The following ESRRB variants were observed in gnomAD, a reference collection of about 807,000 sequenced individuals.
The protein encoded by ESRRB is steroid hormone receptor ERR2.
Under a neutral mutation model 46.0 loss-of-function variants are expected in ESRRB, and 16 were observed. That is an observed-to-expected ratio of 0.35 (90% confidence interval 0.24 to 0.53). The LOEUF (loss-of-function observed/expected upper bound fraction) is 0.53, where lower values mean the gene tolerates loss of function less well. Ranked by LOEUF, ESRRB falls within the 20% of genes least tolerant of loss-of-function variation. ESRRB has a pLI of 0.93. For missense variants in ESRRB, 488 were observed against 607.4 expected (o/e 0.80, Z 2.07); for synonymous variants, 246 against 259.6 (o/e 0.95, Z 0.50).
intron 1 of ESRRB, among the ~76,000 whole-genome samples, chr14:76,314,799 C>G (rs1883778706): frequency 6.6e-6 from 1 of 151,964 alleles, no homozygotes; most frequent in African/African-American, 2.4e-5. Context: ...TCTGGCCTCT[C>G]TCTCCCCTCC....
chr14:76,500,781 A>C lies in ESRRB; in HGVS notation c.*2323A>C. ...CAGGCAGCTGCACCTCACTGGATCTAGTGTTGCTGCGAGTGACCTCACTTC... is the reference window on the plus strand; with the variant it reads ...CAGGCAGCTGCACCTCACTGGATCTCGTGTTGCTGCGAGTGACCTCACTTC... On this transcript the variant is annotated 3_prime_UTR_variant, in exon 7 of 7. Coordinates refer to ENST00000644823, the MANE Select transcript of ESRRB (RefSeq NM_001379180.1). 1 of 1,589,254 alleles carries C rather than the reference A, an allele frequency of 6.3e-7. No individual in the cohort carries two copies. The highest frequency in any genetic ancestry group is 1.7e-5 in the Admixed American group (1 of 60,002).
upstream of ESRRB, among the ~76,000 whole-genome samples, chr14:76,368,254 T>C (rs1427026505): frequency 1.3e-5 from 2 of 151,542 alleles, no homozygotes; most frequent in Non-Finnish European, 2.9e-5. Flanking sequence ...ATTACAGGCA[T>C]GAGCCACTGA....
chr14:76,491,834 C>A, intron 6 of ESRRB, 118 bp downstream of exon 6: 1 of 1,233,642 alleles, frequency 8.1e-7, no homozygotes, highest in Non-Finnish European at 1.1e-6. Flanking sequence ...GAAAGGAAAA[C>A]ACTGAAACTT....
At position 76,500,415 on chromosome 14, in the gene ESRRB, C is replaced by A; in HGVS notation, c.*1957C>A. 1.7e-6 allele frequency: 1 copy of A among 588,500 alleles called. No homozygotes were observed. The highest frequency in any genetic ancestry group is 3.0e-6 in the Non-Finnish European group (1 of 331,662). The allele number at this position is 588,500 out of a possible 1,614,324, so 36.5% of individuals were successfully genotyped here. On this transcript the variant is annotated 3_prime_UTR_variant, in exon 7 of 7. Coordinates refer to ENST00000644823, the MANE Select transcript of ESRRB (RefSeq NM_001379180.1). ...ATCTTCCCTCATTTGGGTGGAGGCA[C>A]ACATTTGGGGCAAAGGCCCCTTCTT...
At chr14:76,374,069 C>T (rs1472938484), upstream of ESRRB, among the ~76,000 whole-genome samples, 3 of 152,162 alleles carry the variant, frequency 2.0e-5, no homozygotes. Flanking sequence ...ACTGCCTCAC[C>T]TTCTTCCTGG....
intron 1 of ESRRB, among the ~76,000 whole-genome samples, chr14:76,396,508 TG>T (rs1297706234): frequency 6.6e-6 from 1 of 152,206 alleles, no homozygotes; most frequent in Non-Finnish European, 1.5e-5. Flanking sequence ...ACAATTTTAA[TG>T]TGTAAGTTAA....
intron 1 of ESRRB, among the ~76,000 whole-genome samples, chr14:76,393,528 C>A (rs1566873573): frequency 6.6e-6 from 1 of 152,260 alleles, no homozygotes; most frequent in Admixed American, 6.5e-5. Context: ...GCATGAAATA[C>A]CTTTACTGCA....
intron 2 of ESRRB, among the ~76,000 whole-genome samples, chr14:76,449,987 T>C (rs1285658743): frequency 6.6e-6 from 1 of 152,212 alleles, no homozygotes; most frequent in South Asian, 2.1e-4. Context: ...CTTGAATTCC[T>C]GGGCTCAAGC....
In ESRRB at chr14:76,448,398, G is replaced by A. The variant is rs1436478724; in HGVS notation, c.460+8648G>A. ...GGCTGGAGTGCAGTGACGCAATCTCGGCTCACTGCAACCTCCGCCTCCCAG... is the reference window on the plus strand; with the variant it reads ...GGCTGGAGTGCAGTGACGCAATCTCAGCTCACTGCAACCTCCGCCTCCCAG... On this transcript the variant is annotated intron_variant, in intron 2 of 6. Transcript: ENST00000644823. Among the ~76,000 whole-genome samples the A allele has an allele frequency of 1.2e-4, 18 of 148,156 alleles. No homozygotes were observed. In the South Asian group the frequency reaches 3.4e-3, roughly 28 times the overall value.
At chr14:76,392,954 A>G (rs1230520760) in intron 1 of ESRRB, among the ~76,000 whole-genome samples, 1 of 152,218 alleles carries the variant, frequency 6.6e-6, no homozygotes, top group Non-Finnish European at 1.5e-5. Context: ...TGTGAGCTGG[A>G]ACCCAGGGCC....
intron 1 of ESRRB, among the ~76,000 whole-genome samples, chr14:76,317,932 C>A (rs986071913): frequency 1.3e-5 from 2 of 152,176 alleles, no homozygotes; most frequent in Non-Finnish European, 2.9e-5. Flanking sequence ...AGGCCTTGGG[C>A]CCAGATGTGG....
chr14:76,460,925 C>A (rs4261457), intron 2 of ESRRB, among the ~76,000 whole-genome samples: 21,524 of 151,690 alleles, frequency 0.14, 2,461 homozygotes, highest in African/African-American at 0.33. Context: ...AGGCTGGTCT[C>A]GAACTCCATA....
intron 3 of ESRRB, among the ~76,000 whole-genome samples, chr14:76,476,113 G>C (rs986709208): frequency 6.6e-5 from 10 of 151,210 alleles, no homozygotes; most frequent in Non-Finnish European, 1.0e-4. Flanking sequence ...GTCTCACTCT[G>C]TTGCCCAGGC....
intron 5 of ESRRB, among the ~76,000 whole-genome samples, chr14:76,483,028 C>A (rs1889870729): frequency 6.6e-6 from 1 of 152,194 alleles, no homozygotes; most frequent in African/African-American, 2.4e-5. Flanking sequence ...GATCTACAAT[C>A]AGTGTAATAT....
chr14:76,383,821 G>A (rs1271281091), intron 1 of ESRRB, among the ~76,000 whole-genome samples: 5 of 152,142 alleles, frequency 3.3e-5, no homozygotes, highest in Non-Finnish European at 7.3e-5. Context: ...CATGGCCGCT[G>A]GCTGGCTCAC....
intron 1 of ESRRB, among the ~76,000 whole-genome samples, chr14:76,346,181 A>G (rs1211670114): frequency 6.6e-6 from 1 of 152,172 alleles, no homozygotes; most frequent in African/African-American, 2.4e-5. Flanking sequence ...GTGGACATGG[A>G]TTTTGAGGAT....
chr14:76,397,567 A>C (rs1234214206), intron 1 of ESRRB, among the ~76,000 whole-genome samples: 3 of 152,166 alleles, frequency 2.0e-5, no homozygotes, highest in Non-Finnish European at 4.4e-5. Context: ...AGTAATTCCA[A>C]AATAGATTTA....
chr14:76,397,982 T>A (rs572264957), intron 1 of ESRRB, among the ~76,000 whole-genome samples: 1 of 152,346 alleles, frequency 6.6e-6, no homozygotes, highest in Admixed American at 6.5e-5. Context: ...CTTTGTTTCA[T>A]ATCAGTGGGG....
chr14:76,474,811 T>C (rs901753368), intron 3 of ESRRB, among the ~76,000 whole-genome samples: 5 of 142,774 alleles, frequency 3.5e-5, no homozygotes, highest in Non-Finnish European at 6.1e-5. Flanking sequence ...ACTGCGACCC[T>C]GTCTCAAACA....
Sources: gnomAD v4.1 joint callset for allele counts (sites outside exome capture counted in the v4.1 genomes callset) on GRCh38, gnomAD v4.1.1 for gene constraint, MANE v1.5 for transcripts, NCBI Gene and HGNC (gene_info 2026-07-23, HGNC 2026-07-21) for gene names.